Variants in SCNN1D observed in about 807,000 individuals in gnomAD.
SCNN1D encodes the protein sodium channel epithelial 1 subunit delta.
SCNN1D carries 104 observed loss-of-function variants against 87.8 expected under a neutral mutation model. That is an observed-to-expected ratio of 1.18 (90% CI 1.01 to 1.39). The LOEUF is 1.39. SCNN1D is among the 40% of genes most tolerant of loss of function. The pLI is 0.00. For synonymous variants in SCNN1D, 628 were observed against 481.2 expected (o/e 1.31, Z -3.99); for missense variants, 1,324 against 1,093.9 (o/e 1.21, Z -2.97).
rs942814503 is a variant in SCNN1D, at chr1:1,285,822, A to T, written c.559-104A>T. The T allele has an allele frequency of 4.6e-6, 6 of 1,292,892 alleles. No individual in the cohort carries two copies. The African/African-American group carries it at 9.0e-5, about 19-fold the overall frequency. 80.1% of individuals were successfully genotyped at this position (1,292,892 alleles called of 1,614,324 possible). ...TGGGAGGGGCTTGTCCGAGCGACCG[A>T]GCAGGTAGGGCGGGGCACTGGTGGC... On this transcript the variant is annotated intron_variant, in intron 6 of 17. Transcript: ENST00000379116.
chr1:1,290,588 A>T (rs530993906), intron 14 of SCNN1D, 33 bp downstream of exon 14: 1 of 1,612,504 alleles, frequency 6.2e-7, no homozygotes, highest in East Asian at 2.2e-5. Flanking sequence ...GCGGCCAGGG[A>T]TCATTGCCCC....
At chr1:1,281,387 C>G in intron 2 of SCNN1D, 24 bp from the exon 3 acceptor site, 10 of 1,527,350 alleles carry the variant, frequency 6.5e-6, no homozygotes, top group Non-Finnish European at 8.8e-6. Context: ...CCAGGGATGC[C>G]TGCCCGTCCC....
At position 1,285,914 on chromosome 1, in the gene SCNN1D, C is replaced by T. The variant is rs753524710; in HGVS notation, c.559-12C>T. 39 of 1,540,576 alleles carry T rather than the reference C, an allele frequency of 2.5e-5. No individual in the cohort carries two copies. The East Asian group carries it at 9.1e-4, about 36-fold the overall frequency. On this transcript the variant is annotated splice_polypyrimidine_tract_variant and intron_variant, in intron 6 of 17. Transcript: ENST00000379116. ...TGCAGGCCGGGCCCTGCTGAGGCCA[C>T]TCTGCACACAGGCTGCAGCCCAGAC...
rs545525762 is a variant in SCNN1D, at chr1:1,287,735, G to T, written c.1462G>T (p.Gly488Cys). The change falls in exon 11 of 18, where the codon GGC (glycine) becomes TGC (cysteine). Residue 488 changes from glycine to cysteine, a missense_variant. By Grantham distance (159) the Gly-to-Cys change is radical. Coordinates refer to ENST00000379116, the MANE Select transcript of SCNN1D (RefSeq NM_001130413.4). ...CCTCCCTCTGCTGTCCACGCTGGCC[G>T]GCATCAGGGTCATGGTTCACGGCCG... ...PHLPLLSTLA[G>C]IRVMVHGRNH... The T allele has an allele frequency of 1.2e-6, 2 of 1,608,270 alleles. No individual in the cohort carries two copies. The highest frequency in any genetic ancestry group is 1.1e-5 in the South Asian group (1 of 90,410).
Position 1,291,637 on chromosome 1 carries a change from T to G in SCNN1D, c.*27T>G. The G allele has an allele frequency of 6.8e-7, 1 of 1,468,720 alleles. No individual in the cohort carries two copies. Among genetic ancestry groups the G allele is most frequent in the East Asian group, 2.4e-5 (1 of 42,098 alleles). The allele number at this position is 1,468,720 out of a possible 1,614,324, so 91.0% of individuals were successfully genotyped here. On this transcript the variant is annotated 3_prime_UTR_variant, in exon 18 of 18. Coordinates refer to ENST00000379116, the MANE Select transcript of SCNN1D (RefSeq NM_001130413.4). ...CCAGACCTGCCAGGGCTGTGCGATC[T>G]CTTGGCCTGGTCCTTGCAGCTGTGG... is the stretch of plus-strand genomic sequence containing the variant.
rs756883513 is a variant in SCNN1D at position 1,283,985 on chromosome 1, G to A, written c.359G>A (p.Arg120Lys). The A allele has an allele frequency of 6.9e-6, 10 of 1,457,338 alleles. No individual in the cohort carries two copies. The highest frequency in any genetic ancestry group is 6.1e-5 in the East Asian group (2 of 32,658). 90.3% of individuals were successfully genotyped at this position (1,457,338 alleles called of 1,614,324 possible). The change falls in exon 5 of 18, where the codon AGA (arginine) becomes AAA (lysine). Residue 120 changes from arginine to lysine, a missense_variant. Physicochemically the swap from Arg to Lys is conservative, Grantham distance 26 (BLOSUM62 2). Transcript: ENST00000379116. Reference protein sequence around the residue: ...AASFQSRQEARGSILLQSCQL... With the variant: ...AASFQSRQEAKGSILLQSCQL... The stretch of plus-strand genomic sequence containing the variant: ...CCAGCCTGTTTTAAATAGGAGGCCA[G>A]AGGCTCCATCCTGCTTCAGAGCTGC...
In SCNN1D at chr1:1,286,024, G is replaced by A. The variant is rs769908850; in HGVS notation, c.657G>A (p.Ser219=). The change falls in exon 7 of 18, where the codon TCG becomes TCA. Residue 219 remains serine, a synonymous_variant. Coordinates refer to ENST00000379116, the MANE Select transcript of SCNN1D (RefSeq NM_001130413.4). ...HQEGLVELPA[S]FRELLTFFCT... ...AGGGGCTGGTGGAGCTGCCCGCCTC[G>A]TTCCGGGAGCTGCTCACCTTCTTCT... The A allele has an allele frequency of 1.2e-5, 19 of 1,567,602 alleles. No homozygotes were observed. Among genetic ancestry groups the A allele is most frequent in the African/African-American group, 8.1e-5 (6 of 73,858 alleles).
rs1012716840 is a variant in SCNN1D, at chr1:1,281,317, C to G, written c.77+20C>G. 2.0e-6 allele frequency: 3 copies of G among 1,535,672 alleles called. No individual in the cohort carries two copies. The highest frequency in any genetic ancestry group is 2.4e-5 in the East Asian group (1 of 40,918). On this transcript the variant is annotated intron_variant, in intron 2 of 17. Transcript: ENST00000379116. ...AAGGAGGTGAGCTCACAGCCATGCT[C>G]GGTCAATGGGGCCTGGCCGTCTTTC...
At position 1,287,600 on chromosome 1, in the gene SCNN1D, G is replaced by A. The variant is rs1323801264; in HGVS notation, c.1399+4G>A. On this transcript the variant is annotated splice_donor_region_variant and intron_variant, in intron 10 of 17. Coordinates refer to ENST00000379116, the MANE Select transcript of SCNN1D (RefSeq NM_001130413.4). ...CAGCGCCCCGGCATCACCCACGGTG[G>A]GTGCCAGCCCCTGGCCGGTGCGGGG... 1.2e-6 allele frequency: 2 copies of A among 1,603,558 alleles called. No individual in the cohort carries two copies. Among genetic ancestry groups the A allele is most frequent in the Admixed American group, 3.4e-5 (2 of 59,232 alleles).
intron 12 of SCNN1D, among the ~76,000 whole-genome samples, chr1:1,289,970 G>A (rs1321752861): frequency 4.4e-5 from 2 of 45,506 alleles, no homozygotes; most frequent in Non-Finnish European, 6.3e-5. Flanking sequence ...TCCGTCCCCC[G>A]TGTCTGCTCC....
intron 6 of SCNN1D, 93 bp from the exon 7 acceptor site, chr1:1,285,833 C>T (rs948438414): frequency 3.7e-5 from 49 of 1,329,500 alleles, no homozygotes; most frequent in Admixed American, 2.9e-4. Flanking sequence ...GCAGGTAGGG[C>T]GGGGCACTGG....
rs759957968 is a variant in SCNN1D, at chr1:1,287,249, C to T, written c.1260C>T (p.Asp420=). ...GGGAGGACAGCCACGGGAGCCAGGA[C>T]GGCCACTTCGTCCTCTCCTGCAGTT... The part of the protein sequence containing the change: ...AAWEDSHGSQ[D]GHFVLSCSYD... The change falls in exon 9 of 18, where the codon GAC becomes GAT. Residue 420 remains aspartate (D), a synonymous_variant. Coordinates refer to ENST00000379116, the MANE Select transcript of SCNN1D (RefSeq NM_001130413.4). 47 of 1,610,372 alleles carry T rather than the reference C, an allele frequency of 2.9e-5. No homozygotes were observed. Among genetic ancestry groups the T allele is most frequent in the African/African-American group, 9.3e-5 (7 of 74,912 alleles).
rs1280525099 is a variant in SCNN1D, at chr1:1,287,740, C to T, written c.1467C>T (p.Ile489=). 6.2e-7 allele frequency: 1 copy of T among 1,608,330 alleles called. No individual in the cohort carries two copies. Among genetic ancestry groups the T allele is most frequent in the South Asian group, 1.1e-5 (1 of 90,392 alleles). ...HLPLLSTLAG[I]RVMVHGRNHT... The stretch of plus-strand genomic sequence containing the variant: ...CTCTGCTGTCCACGCTGGCCGGCAT[C>T]AGGGTCATGGTTCACGGCCGTAACC... Residue 489 remains isoleucine, a synonymous_variant, in exon 11 of 18, where the codon ATC becomes ATT. Transcript: ENST00000379116.
intron 12 of SCNN1D, among the ~76,000 whole-genome samples, chr1:1,289,656 T>G: frequency 1.1e-4 from 1 of 8,866 alleles, no homozygotes; most frequent in Non-Finnish European, 1.8e-4. Context: ...CTCCGTCCCG[T>G]GTCCCTGCTC....
intron 16 of SCNN1D, 36 bp from the exon 17 acceptor site, chr1:1,291,029 C>G: frequency 6.2e-7 from 1 of 1,602,332 alleles, no homozygotes. Context: ...TCATGAAGGT[C>G]TGGGCCAGCG....
chr1:1,285,361 T>C (rs1640565143), intron 5 of SCNN1D, among the ~76,000 whole-genome samples: 2 of 152,284 alleles, frequency 1.3e-5, no homozygotes, highest in Admixed American at 6.5e-5. Context: ...CTCAGCTCAA[T>C]GGGGCCACCC....
At chr1:1,281,145 C>A (rs1640461101) in intron 1 of SCNN1D, 81 bp from the exon 2 acceptor site, 11 of 1,326,748 alleles carry the variant, frequency 8.3e-6, no homozygotes, top group Non-Finnish European at 1.1e-5. Context: ...GGGGGACGCT[C>A]ACCCCAGGGG....
At chr1:1,290,579 C>T (rs1570867) in intron 14 of SCNN1D, 24 bp downstream of exon 14, 12 of 1,612,392 alleles carry the variant, frequency 7.4e-6, no homozygotes, top group South Asian at 1.1e-5. Context: ...GTTGGGGTCG[C>T]GGCCAGGGAT....
Position 1,284,002 on chromosome 1 carries a change from C to G in SCNN1D, c.376C>G (p.Gln126Glu), listed in dbSNP as rs114582555. The G allele has an allele frequency of 2.4e-3, 3,494 of 1,445,520 alleles. 95 individuals are homozygous for G. In the African/African-American group the frequency reaches 0.051, roughly 21 times the overall value. 89.5% of individuals were successfully genotyped at this position (1,445,520 alleles called of 1,614,324 possible). A position where few individuals can be genotyped will look rare whatever the true frequency, so the allele number is the denominator to read the frequency against. ...GGAGGCCAGAGGCTCCATCCTGCTT[C>G]AGAGCTGCCAGCTGCCCCCGCAATG... ...RQEARGSILL[Q>E]SCQLPPQWLS... The change falls in exon 5 of 18, where the codon CAG becomes GAG. Residue 126 changes from glutamine to glutamate, a missense_variant. By Grantham distance (29) the Gln-to-Glu change is conservative. Transcript: ENST00000379116.
Sources: gnomAD v4.1 joint callset for allele counts (sites outside exome capture counted in the v4.1 genomes callset) on GRCh38, gnomAD v4.1.1 for gene constraint, MANE v1.5 for transcripts, NCBI Gene and HGNC (gene_info 2026-07-23, HGNC 2026-07-21) for gene names.